The following PRMT8 variants were observed in gnomAD, a reference collection of about 807,000 sequenced individuals.
The protein encoded by PRMT8 is protein arginine N-methyltransferase 8.
PRMT8 carries 7 observed loss-of-function variants against 47.1 expected under a neutral mutation model. The ratio of observed to expected loss-of-function variants is 0.15; its 90% CI spans 0.08 to 0.28. PRMT8 has a LOEUF of 0.28. Ranked by LOEUF, PRMT8 falls within the 10% of genes least tolerant of loss-of-function variation. The pLI, the probability that PRMT8 is intolerant of heterozygous loss-of-function variation, is 1.00. For synonymous variants in PRMT8, 188 were observed against 186.5 expected, an observed-to-expected ratio of 1.01 and a Z score of -0.07; for missense variants, 237 against 505.4, an observed-to-expected ratio of 0.47 and a Z score of 5.09.
At chr12:3,582,818 C>G (rs1330856877) in intron 7 of PRMT8, among the ~76,000 whole-genome samples, 2 of 152,188 alleles carry the variant, frequency 1.3e-5, no homozygotes, top group African/African-American at 4.8e-5. Context: ...CTTCCGAATT[C>G]TGCTCCCCTC....
chr12:3,535,415 G>A lies in PRMT8; in HGVS notation c.76-5191G>A, dbSNP rs578011616. On this transcript the variant is annotated intron_variant, in intron 1 of 9. Coordinates refer to ENST00000382622, the MANE Select transcript of PRMT8 (RefSeq NM_019854.5). The surrounding 1 kb of genome is among the most constrained non-coding windows in gnomAD (Gnocchi z 4.7). Reference sequence around the variant, plus strand: ...TGATCAGCCGCTGGCGTGGTGAGTCGAAGGCAAATCACAAGTATTGACAGT... The same window carrying A: ...TGATCAGCCGCTGGCGTGGTGAGTCAAAGGCAAATCACAAGTATTGACAGT... 3.6e-4 allele frequency among the ~76,000 whole-genome samples: 55 copies of A among 152,302 alleles called. No homozygotes were observed. Among genetic ancestry groups the A allele is most frequent in the Non-Finnish European group, 6.8e-4 (46 of 68,036 alleles).
chr12:3,405,627 G>T (rs1312837071), intron 1 of PRMT8, among the ~76,000 whole-genome samples: 4 of 152,174 alleles, frequency 2.6e-5, no homozygotes, highest in Non-Finnish European at 5.9e-5. Context: ...AGAGAAATTG[G>T]CCAAAAGAAA....
At chr12:3,522,818 A>G (rs1865900579) in intron 1 of PRMT8, among the ~76,000 whole-genome samples, 3 of 152,000 alleles carry the variant, frequency 2.0e-5, no homozygotes, top group Non-Finnish European at 4.4e-5. Flanking sequence ...AAAAAAACAG[A>G]AAAAAATGAA....
At chr12:3,471,706 TC>T (rs1865164475) in intron 1 of PRMT8, among the ~76,000 whole-genome samples, 1 of 151,740 alleles carries the variant, frequency 6.6e-6, no homozygotes, top group South Asian at 2.1e-4. Flanking sequence ...TCTCTCACAT[TC>T]ACACTTACTG....
chr12:3,415,058 T>G (rs1864470454), intron 1 of PRMT8, among the ~76,000 whole-genome samples: 1 of 152,078 alleles, frequency 6.6e-6, no homozygotes, highest in Non-Finnish European at 1.5e-5. Flanking sequence ...TTGGTTTACC[T>G]GTGCTTCTGA....
At chr12:3,381,516 C>G in intron 1 of PRMT8, 1 of 1,443,192 alleles carries the variant, frequency 6.9e-7, no homozygotes, top group Non-Finnish European at 9.4e-7. Context: ...ATCTTGACCC[C>G]GTGTGGGCTG....
chr12:3,593,020 G>A lies in PRMT8; in HGVS notation c.1102-79G>A, dbSNP rs1867344453. 1 of 1,110,738 alleles carries A rather than the reference G, an allele frequency of 9.0e-7. No homozygotes were observed. Among genetic ancestry groups the A allele is most frequent in the Non-Finnish European group, 1.4e-6 (1 of 732,114 alleles). 68.8% of individuals were successfully genotyped at this position (1,110,738 alleles called of 1,614,324 possible). On this transcript the variant is annotated intron_variant, in intron 9 of 9. Coordinates refer to ENST00000382622, the MANE Select transcript of PRMT8 (RefSeq NM_019854.5). This position sits in a 1 kb window ranked among gnomAD's most constrained non-coding sequence, Gnocchi z 4.8. ...GCTACCCATCCCTGTGGTTCCAGGA[G>A]CAGGTGGTGCCAGAGAGTGGGGCTG...
rs2137109930 is a variant in PRMT8, at chr12:3,491,221, G to T, written c.-405G>T. On this transcript the variant is annotated 5_prime_UTR_variant, in exon 1 of 10. Transcript: ENST00000382622. ...GCGTGTTGCTTCGCCCAGCGGATCG[G>T]CAGAAGTTGAGAGGAGTTGGCGGCT... The T allele has an allele frequency of 1.0e-6, 1 of 1,002,302 alleles. No homozygotes were observed. The highest frequency in any genetic ancestry group is 1.2e-6 in the Non-Finnish European group (1 of 841,030). The allele number at this position is 1,002,302 out of a possible 1,614,324, so 62.1% of individuals were successfully genotyped here.
rs779397662 is a variant in PRMT8 at position 3,491,711 on chromosome 12, G to T, written c.75+11G>T. 9 of 1,604,186 alleles carry T rather than the reference G, an allele frequency of 5.6e-6. No individual in the cohort carries two copies. Among genetic ancestry groups the T allele is most frequent in the South Asian group, 1.1e-5 (1 of 90,150 alleles). ...GCCGAGAGCACCGAGGTAAGGAGGC[G>T]AGCGAGCAGGGGCTCTCGGAGACCC... On this transcript the variant is annotated intron_variant, in intron 1 of 9. Coordinates refer to ENST00000382622, the MANE Select transcript of PRMT8 (RefSeq NM_019854.5).
chr12:3,591,407 C>CTTTTTT (rs34619063), intron 8 of PRMT8, among the ~76,000 whole-genome samples: 6 of 115,746 alleles, frequency 5.2e-5, no homozygotes, highest in African/African-American at 1.3e-4. Flanking sequence ...AGGGAAAGCT[C>CTTTTTT]TTTTTTTTTT....
chr12:3,493,692 C>G lies in PRMT8; in HGVS notation c.75+1992C>G, dbSNP rs548587414. Among the ~76,000 whole-genome samples the G allele has an allele frequency of 1.3e-5, 2 of 152,364 alleles. No individual in the cohort carries two copies. Among genetic ancestry groups the G allele is most frequent in the South Asian group, 4.1e-4 (2 of 4,830 alleles). ...GTCTATTTTTACTTGCTTCCCCCGCCGCTCCGCGCTCCCCCTTCTCAGCAG... is the reference window on the plus strand; with the variant it reads ...GTCTATTTTTACTTGCTTCCCCCGCGGCTCCGCGCTCCCCCTTCTCAGCAG... On this transcript the variant is annotated intron_variant, in intron 1 of 9. Coordinates refer to ENST00000382622, the MANE Select transcript of PRMT8 (RefSeq NM_019854.5). This position sits in a 1 kb window ranked among gnomAD's most constrained non-coding sequence, Gnocchi z 8.2.
chr12:3,433,961 A>G (rs1202021474), intron 1 of PRMT8, among the ~76,000 whole-genome samples: 1 of 152,208 alleles, frequency 6.6e-6, no homozygotes, highest in Admixed American at 6.5e-5. Context: ...TGCATAGCCC[A>G]ACATTACTCT....
chr12:3,516,671 T>C (rs1343376654), intron 1 of PRMT8, among the ~76,000 whole-genome samples: 1 of 152,116 alleles, frequency 6.6e-6, no homozygotes, highest in African/African-American at 2.4e-5. Context: ...GGAAATAATG[T>C]ATACAGTGGT....
At chr12:3,534,505 C>T (rs944644020) in intron 1 of PRMT8, among the ~76,000 whole-genome samples, 1 of 152,184 alleles carries the variant, frequency 6.6e-6, no homozygotes, top group Non-Finnish European at 1.5e-5. Context: ...GTTCCAGATC[C>T]ACCTCCGGAC....
intron 1 of PRMT8, among the ~76,000 whole-genome samples, chr12:3,470,584 G>A (rs528839427): frequency 5.1e-4 from 78 of 152,134 alleles, no homozygotes; most frequent in Non-Finnish European, 8.5e-4. Context: ...TTGCTGGGTG[G>A]GGGGCATGGG....
At chr12:3,562,013 T>C (rs1866645131) in intron 4 of PRMT8, among the ~76,000 whole-genome samples, 1 of 152,164 alleles carries the variant, frequency 6.6e-6, no homozygotes, top group Non-Finnish European at 1.5e-5. Flanking sequence ...TGGAAGTATC[T>C]ATACCACAGA....
intron 1 of PRMT8, among the ~76,000 whole-genome samples, chr12:3,437,796 A>C (rs79354116): frequency 6.6e-6 from 1 of 151,962 alleles, no homozygotes; most frequent in Non-Finnish European, 1.5e-5. Flanking sequence ...CAAGGCCTTC[A>C]ACTGCAAAAT....
At chr12:3,426,054 C>T (rs966659365) in intron 1 of PRMT8, among the ~76,000 whole-genome samples, 7 of 152,146 alleles carry the variant, frequency 4.6e-5, no homozygotes, top group South Asian at 2.1e-4. Flanking sequence ...TGCAGGATTT[C>T]GGGATATAGC....
chr12:3,412,081 G>A (rs1864436348), intron 1 of PRMT8, among the ~76,000 whole-genome samples: 1 of 152,182 alleles, frequency 6.6e-6, no homozygotes, highest in African/African-American at 2.4e-5. Context: ...TAACGTCATA[G>A]AGTGTACTCA....
Sources: allele counts gnomAD v4.1 joint callset (sites outside exome capture counted in the v4.1 genomes callset), GRCh38; gene constraint gnomAD v4.1.1; non-coding constraint Gnocchi (gnomAD v3.1); transcripts MANE v1.5; gene names NCBI Gene and HGNC (gene_info 2026-07-23, HGNC 2026-07-21).